ERLIN2: variants seen among roughly 807,000 people sequenced by gnomAD.
ERLIN2 encodes the protein erlin-2.
Under a neutral mutation model 41.5 loss-of-function variants are expected in ERLIN2, and 22 were observed. The ratio of observed to expected loss-of-function variants is 0.53; its 90% CI spans 0.38 to 0.76. The LOEUF is 0.76. Among genes scored for constraint, ERLIN2 ranks in the 30% least tolerant of loss-of-function variants. The probability of loss-of-function intolerance (pLI) is 0.00; values close to 1 mark genes in which losing one functional copy is unlikely to be tolerated. For missense variants in ERLIN2, 247 were observed against 414.3 expected (o/e 0.60, Z 3.51); for synonymous variants, 149 against 150.9 (o/e 0.99, Z 0.09).
At chr8:37,738,300 T>C (rs1802725927) in intron 2 of ERLIN2, among the ~76,000 whole-genome samples, 1 of 152,242 alleles carries the variant, frequency 6.6e-6, no homozygotes, top group Non-Finnish European at 1.5e-5. Flanking sequence ...AGACAAAATC[T>C]AAAGGAAACT....
In ERLIN2 at chr8:37,741,884, C is replaced by T; in HGVS notation, c.236+66C>T. On this transcript the variant is annotated intron_variant, in intron 4 of 11. Transcript: ENST00000519638. The surrounding 1 kb of genome is among the most constrained non-coding windows in gnomAD (Gnocchi z 4.8). ...AGAGAAAAGGCTGTCTGGCTGGTTGCAGGAAGAGACAGTGAAAAGGGAGGC... is the reference window on the plus strand; with the variant it reads ...AGAGAAAAGGCTGTCTGGCTGGTTGTAGGAAGAGACAGTGAAAAGGGAGGC... 1 of 1,266,818 alleles carries T rather than the reference C, an allele frequency of 7.9e-7. No homozygotes were observed. Among genetic ancestry groups the T allele is most frequent in the South Asian group, 1.2e-5 (1 of 83,884 alleles). 78.5% of individuals were successfully genotyped at this position (1,266,818 alleles called of 1,614,324 possible).
In ERLIN2 at chr8:37,740,465, GTATGGCTGGACGACTGCAAAC is replaced by G; in HGVS notation, c.189+21_189+41del. On this transcript the variant is annotated intron_variant, in intron 3 of 11. Coordinates refer to ENST00000519638, the MANE Select transcript of ERLIN2 (RefSeq NM_007175.8). ...TGTGCAGGTATGCTTGGCCTCTGTG[GTATGGCTGGACGACTGCAAAC>G]TTGGGCTGTTAACTAGTGCATGATT... 6.3e-7 allele frequency: 1 copy of G among 1,597,580 alleles called. No individual in the cohort carries two copies. The highest frequency in any genetic ancestry group is 8.6e-7 in the Non-Finnish European group (1 of 1,166,300).
intron 10 of ERLIN2, among the ~76,000 whole-genome samples, chr8:37,752,225 T>G (rs1803236201): frequency 6.6e-6 from 1 of 152,218 alleles, no homozygotes; most frequent in African/African-American, 2.4e-5. Flanking sequence ...AAGGTTTTCT[T>G]TGCTGGCTTT....
At chr8:37,743,108 T>G (rs1802912575) in intron 4 of ERLIN2, among the ~76,000 whole-genome samples, 1 of 152,194 alleles carries the variant, frequency 6.6e-6, no homozygotes, top group Admixed American at 6.5e-5. Context: ...AGGCCTGATC[T>G]CTTCACAAAG....
chr8:37,748,143 CAT>C (rs1803120714), intron 6 of ERLIN2: 1 of 657,416 alleles, frequency 1.5e-6, no homozygotes. Context: ...ATTTCCATAA[CAT>C]ATAAACATCA....
chr8:37,749,917 C>T lies in ERLIN2; in HGVS notation c.557+65C>T, dbSNP rs143470139. 32 of 1,370,158 alleles carry T rather than the reference C, an allele frequency of 2.3e-5. No individual in the cohort carries two copies. The East Asian group carries it at 6.4e-4, about 27-fold the overall frequency. The allele number at this position is 1,370,158 out of a possible 1,614,324, so 84.9% of individuals were successfully genotyped here. On this transcript the variant is annotated intron_variant, in intron 8 of 11. Transcript: ENST00000519638. ...TCCCACCTCCCACCTCGTCCCATCC[C>T]AGAGGTAACCAAAGCTGCCAGGCTT...
At chr8:37,745,589 C>T (rs1803015611) in intron 6 of ERLIN2, 1 of 1,613,866 alleles carries the variant, frequency 6.2e-7, no homozygotes, top group Non-Finnish European at 8.5e-7. Context: ...TGATTTTTCC[C>T]AGGAATCTTC....
intron 10 of ERLIN2, 114 bp downstream of exon 10, chr8:37,751,829 T>G: frequency 8.8e-6 from 7 of 796,058 alleles, no homozygotes; most frequent in East Asian, 2.6e-5. Flanking sequence ...TCATGATCTC[T>G]GTGCAACAGC....
At position 37,754,396 on chromosome 8, in the gene ERLIN2, G is replaced by A. The variant is rs1803307378; in HGVS notation, c.*281G>A. 5 of 426,444 alleles carry A rather than the reference G, an allele frequency of 1.2e-5. No individual in the cohort carries two copies. Among genetic ancestry groups the A allele is most frequent in the Non-Finnish European group, 2.2e-5 (5 of 228,338 alleles). 26.4% of individuals were successfully genotyped at this position (426,444 alleles called of 1,614,324 possible). A position where few individuals can be genotyped will look rare whatever the true frequency, so the allele number is the denominator to read the frequency against. ...CTAGACACTAATTTTATCCTTTGAG[G>A]CTGGCTTAATTAGGGATGCTGTCAT... On this transcript the variant is annotated 3_prime_UTR_variant, in exon 12 of 12. Coordinates refer to ENST00000519638, the MANE Select transcript of ERLIN2 (RefSeq NM_007175.8).
intron 6 of ERLIN2, 48 bp downstream of exon 6, chr8:37,744,744 A>G (rs1802978862): frequency 6.2e-7 from 1 of 1,612,244 alleles, no homozygotes; most frequent in East Asian, 2.2e-5. Context: ...GGGTTCCTGG[A>G]ACCCCGCGTC....
chr8:37,747,522 G>A (rs1480790968), intron 6 of ERLIN2: 7 of 1,612,276 alleles, frequency 4.3e-6, no homozygotes, highest in Non-Finnish European at 5.9e-6. Flanking sequence ...CTTCATCAAT[G>A]GTAGACACAG....
chr8:37,752,459 C>G (rs1803242635), intron 10 of ERLIN2, among the ~76,000 whole-genome samples: 1 of 152,206 alleles, frequency 6.6e-6, no homozygotes, highest in Non-Finnish European at 1.5e-5. Context: ...TTTCACAGAT[C>G]AGTGGCTCCT....
intron 8 of ERLIN2, chr8:37,750,094 G>T (rs1191886982): frequency 3.2e-6 from 2 of 628,100 alleles, no homozygotes; most frequent in African/African-American, 1.8e-5. Context: ...AGGGCCAGGG[G>T]GCCTTGTTTG....
intron 4 of ERLIN2, among the ~76,000 whole-genome samples, chr8:37,743,658 G>A (rs1802933785): frequency 6.6e-6 from 1 of 152,156 alleles, no homozygotes; most frequent in African/African-American, 2.4e-5. Flanking sequence ...TGGGTATTAG[G>A]TGATATTACA....
At chr8:37,751,579 C>A (rs112343743) in intron 9 of ERLIN2, 47 bp from the exon 10 acceptor site, 1 of 1,528,564 alleles carries the variant, frequency 6.5e-7, no homozygotes, top group Non-Finnish European at 9.1e-7. Flanking sequence ...TGAAATTAGT[C>A]AAACTCTGAA....
intron 1 of ERLIN2, 189 bp from the exon 2 acceptor site, chr8:37,737,718 CA>C (rs1400700614): frequency 1.6e-6 from 1 of 620,592 alleles, no homozygotes; most frequent in Non-Finnish European, 2.8e-6. Flanking sequence ...TCTAATTTTA[CA>C]GTTAAAGAAA....
rs540736913 is a variant in ERLIN2 at position 37,741,668 on chromosome 8, T to G, written c.190-104T>G. 1.1e-6 allele frequency: 1 copy of G among 897,152 alleles called. No individual in the cohort carries two copies. Among genetic ancestry groups the G allele is most frequent in the East Asian group, 2.4e-5 (1 of 40,864 alleles). 55.6% of individuals were successfully genotyped at this position (897,152 alleles called of 1,614,324 possible). A position where few individuals can be genotyped will look rare whatever the true frequency, so the allele number is the denominator to read the frequency against. On this transcript the variant is annotated intron_variant, in intron 3 of 11. Coordinates refer to ENST00000519638, the MANE Select transcript of ERLIN2 (RefSeq NM_007175.8). This position sits in a 1 kb window ranked among gnomAD's most constrained non-coding sequence, Gnocchi z 4.8. Reference sequence around the variant, plus strand: ...TAATCATGTTTAATGAAGGCCATGCTCAACCCAAACAGTTATTCCAGGACA... The same window carrying G: ...TAATCATGTTTAATGAAGGCCATGCGCAACCCAAACAGTTATTCCAGGACA...
chr8:37,736,839 T>G (rs1802660332), intron 1 of ERLIN2, 161 bp downstream of exon 1: 2 of 985,732 alleles, frequency 2.0e-6, no homozygotes, highest in Admixed American at 6.2e-5. Flanking sequence ...CGTCCTCTCC[T>G]TGCGAGCCGC....
At chr8:37,747,650 C>T (rs1803096351) in intron 6 of ERLIN2, 1 of 1,606,696 alleles carries the variant, frequency 6.2e-7, no homozygotes, top group Non-Finnish European at 8.5e-7. Context: ...AACTTGACGA[C>T]TGCTCCATCC....
Sources: gnomAD v4.1 joint callset for allele counts (sites outside exome capture counted in the v4.1 genomes callset) on GRCh38, gnomAD v4.1.1 for gene constraint, Gnocchi (gnomAD v3.1) non-coding constraint, MANE v1.5 for transcripts, NCBI Gene and HGNC (gene_info 2026-07-23, HGNC 2026-07-21) for gene names.